CCSER1: variants seen among roughly 807,000 people sequenced by gnomAD.
The protein encoded by CCSER1 is serine-rich coiled-coil domain-containing protein 1.
In CCSER1, 41 loss-of-function variants were observed where a neutral mutation model predicts 82.0. The ratio of observed to expected loss-of-function variants is 0.50; its 90% CI spans 0.39 to 0.65. The LOEUF is 0.65. Among genes scored for constraint, CCSER1 ranks in the 30% least tolerant of loss-of-function variants. The pLI, the probability that CCSER1 is intolerant of heterozygous loss-of-function variation, is 0.00. For missense variants in CCSER1, 1,119 were observed against 1,064.2 expected (o/e 1.05, Z -0.72); for synonymous variants, 414 against 383.9 (o/e 1.08, Z -0.92).
At chr4:90,832,705 C>G (rs1024570954) in intron 8 of CCSER1, among the ~76,000 whole-genome samples, 5 of 152,128 alleles carry the variant, frequency 3.3e-5, no homozygotes, top group African/African-American at 1.2e-4. Context: ...AAAATCCACA[C>G]CAAAGGATGC....
At chr4:90,918,377 T>C (rs1727834496) in intron 8 of CCSER1, 1 of 403,144 alleles carries the variant, frequency 2.5e-6, no homozygotes, top group Non-Finnish European at 4.9e-6. Flanking sequence ...TTTGGGATTA[T>C]TGAGTATTTT....
At chr4:91,309,311 C>T (rs1178945814) in intron 10 of CCSER1, among the ~76,000 whole-genome samples, 4 of 151,512 alleles carry the variant, frequency 2.6e-5, no homozygotes, top group East Asian at 2.0e-4. Context: ...CCACCAACAA[C>T]AAATTCTTCA....
chr4:90,858,358 G>A (rs915769086), intron 8 of CCSER1, among the ~76,000 whole-genome samples: 3 of 151,988 alleles, frequency 2.0e-5, no homozygotes, highest in Non-Finnish European at 2.9e-5. Flanking sequence ...ATGACAGAGC[G>A]TACCAGGTTT....
chr4:90,671,825 T>G (rs1230153177), intron 6 of CCSER1, among the ~76,000 whole-genome samples: 1 of 152,030 alleles, frequency 6.6e-6, no homozygotes, highest in Non-Finnish European at 1.5e-5. Context: ...CTCTTGAAAA[T>G]CAAAATTCCT....
chr4:90,355,966 C>T (rs1024361889), intron 3 of CCSER1, among the ~76,000 whole-genome samples: 13 of 151,814 alleles, frequency 8.6e-5, no homozygotes, highest in African/African-American at 2.7e-4. Context: ...ATTTGGTGGG[C>T]ATTAGTGAAA....
chr4:90,199,151 G>A (rs1737174801), intron 1 of CCSER1, among the ~76,000 whole-genome samples: 1 of 152,054 alleles, frequency 6.6e-6, no homozygotes, highest in Non-Finnish European at 1.5e-5. Context: ...TAGTGATTTT[G>A]AAACAGATTT....
intron 5 of CCSER1, among the ~76,000 whole-genome samples, chr4:90,525,110 CA>C (rs1353716523): frequency 1.2e-4 from 18 of 151,870 alleles, no homozygotes; most frequent in Admixed American, 2.6e-4. Context: ...TAGAATAAAT[CA>C]TTTTTTTTAA....
At chr4:90,974,774 T>C (rs1735455595) in intron 9 of CCSER1, among the ~76,000 whole-genome samples, 1 of 151,422 alleles carries the variant, frequency 6.6e-6, no homozygotes, top group South Asian at 2.1e-4. Flanking sequence ...GATATGATTA[T>C]ATAATAGTAT....
intron 3 of CCSER1, among the ~76,000 whole-genome samples, chr4:90,323,667 T>C (rs1016756319): frequency 6.6e-6 from 1 of 152,192 alleles, no homozygotes; most frequent in Non-Finnish European, 1.5e-5. Context: ...TCCTCTTTTT[T>C]TTTTAAATTT....
At chr4:90,569,448 A>C (rs949855880) in intron 5 of CCSER1, among the ~76,000 whole-genome samples, 2 of 152,170 alleles carry the variant, frequency 1.3e-5, no homozygotes, top group Non-Finnish European at 1.5e-5. Context: ...AAAGAGAGGA[A>C]GCTCGGATGT....
intron 5 of CCSER1, among the ~76,000 whole-genome samples, chr4:90,526,900 C>T (rs542976080): frequency 2.3e-4 from 35 of 152,208 alleles, no homozygotes; most frequent in East Asian, 1.5e-3. Context: ...AATGGGATTG[C>T]TGGGTCAAAT....
intron 10 of CCSER1, among the ~76,000 whole-genome samples, chr4:91,381,159 T>G (rs905083705): frequency 6.6e-6 from 1 of 152,176 alleles, no homozygotes; most frequent in African/African-American, 2.4e-5. Flanking sequence ...ACCTGACCTT[T>G]CTCTATGGCT....
intron 10 of CCSER1, among the ~76,000 whole-genome samples, chr4:91,415,037 C>T (rs1753272572): frequency 6.6e-6 from 1 of 152,030 alleles, no homozygotes; most frequent in Non-Finnish European, 1.5e-5. Flanking sequence ...AGACACAAAA[C>T]CTATAAGGAA....
intron 8 of CCSER1, among the ~76,000 whole-genome samples, chr4:90,920,676 G>A (rs947822045): frequency 1.3e-5 from 2 of 151,476 alleles, no homozygotes; most frequent in East Asian, 3.9e-4. Context: ...CACACACCTC[G>A]GGCTCTCTCC....
intron 7 of CCSER1, among the ~76,000 whole-genome samples, chr4:90,755,398 C>T (rs766878015): frequency 5.3e-5 from 8 of 152,168 alleles, no homozygotes; most frequent in Non-Finnish European, 1.2e-4. Context: ...CTGTACCTGC[C>T]ATCCCATCTA....
At chr4:90,435,373 A>G (rs572107429) in intron 4 of CCSER1, among the ~76,000 whole-genome samples, 28 of 152,258 alleles carry the variant, frequency 1.8e-4, no homozygotes, top group African/African-American at 6.5e-4. Context: ...TAAAAATAAA[A>G]GAAACAGAAG....
chr4:91,360,910 A>G (rs549980238), intron 10 of CCSER1, among the ~76,000 whole-genome samples: 1 of 151,936 alleles, frequency 6.6e-6, no homozygotes, highest in African/African-American at 2.4e-5. Flanking sequence ...ATGAGCCAGG[A>G]TTTTGAATAT....
At chr4:90,652,661 A>T (rs553516166) in intron 6 of CCSER1, among the ~76,000 whole-genome samples, 5 of 152,306 alleles carry the variant, frequency 3.3e-5, no homozygotes, top group African/African-American at 1.2e-4. Context: ...ATCATACCTC[A>T]GTGGACCTTT....
At chr4:91,464,884 A>C (rs1756773311) in intron 10 of CCSER1, among the ~76,000 whole-genome samples, 1 of 152,236 alleles carries the variant, frequency 6.6e-6, no homozygotes, top group Admixed American at 6.5e-5. Context: ...AAAGAGACTT[A>C]GACTCCCACA....
Sources: allele counts gnomAD v4.1 joint callset (sites outside exome capture counted in the v4.1 genomes callset), GRCh38; gene constraint gnomAD v4.1.1; transcripts MANE v1.5; gene names NCBI Gene and HGNC (gene_info 2026-07-23, HGNC 2026-07-21).